The following UGT1A7 variants were observed in gnomAD, a reference collection of about 807,000 sequenced individuals.
UGT1A7 encodes UDP-glucuronosyltransferase 1A7.
A neutral mutation model predicts 45.6 loss-of-function variants in UGT1A7; 33 were observed. That is an observed-to-expected ratio of 0.72 (90% CI 0.55 to 0.97). The LOEUF (loss-of-function observed/expected upper bound fraction) is 0.97. Among genes scored for constraint, UGT1A7 ranks in the 50% least tolerant of loss-of-function variants. The pLI, the probability that UGT1A7 is intolerant of heterozygous loss-of-function variation, is 0.00. For missense variants in UGT1A7, 684 were observed against 666.2 expected, an observed-to-expected ratio of 1.03 and a Z score of -0.29; for synonymous variants, 274 against 250.6, an observed-to-expected ratio of 1.09 and a Z score of -0.88.
chr2:233,685,437 A>G (rs4553819), intron 1 of UGT1A7, among the ~76,000 whole-genome samples: 59,161 of 151,978 alleles, frequency 0.39, 11,698 homozygotes, highest in South Asian at 0.45. Context: ...AAAGAATTCG[A>G]GCTGAATCTA....
chr2:233,693,292 C>T, intron 1 of UGT1A7: 1 of 1,614,114 alleles, frequency 6.2e-7, no homozygotes, highest in Non-Finnish European at 8.5e-7. Flanking sequence ...CATTTGGAAA[C>T]AATCACTTTG....
chr2:233,748,135 T>C (rs1220195478), intron 1 of UGT1A7: 2 of 1,609,160 alleles, frequency 1.2e-6, no homozygotes, highest in South Asian at 1.1e-5. Flanking sequence ...TTTTTAAAAA[T>C]TGTATTTACT....
intron 1 of UGT1A7, among the ~76,000 whole-genome samples, chr2:233,715,121 A>G (rs2076433568): frequency 6.6e-6 from 1 of 152,186 alleles, no homozygotes; most frequent in Non-Finnish European, 1.5e-5. Context: ...CCTGATCTCA[A>G]GTGATTCACT....
At chr2:233,724,521 G>A (rs2077274560) in intron 1 of UGT1A7, among the ~76,000 whole-genome samples, 2 of 124,734 alleles carry the variant, frequency 1.6e-5, no homozygotes, top group Middle Eastern at 4.5e-3. Context: ...CCTCCCAGAT[G>A]GGGTCTCGCC....
chr2:233,693,856 C>T (rs1229039578), intron 1 of UGT1A7: 2 of 1,614,076 alleles, frequency 1.2e-6, no homozygotes, highest in Admixed American at 3.3e-5. Context: ...AGAGGAAAGA[C>T]TTGTCTCAGG....
At position 233,768,551 on chromosome 2, in the gene UGT1A7, A is replaced by G. The variant is rs1699641302; in HGVS notation, c.1295+112A>G. The G allele has an allele frequency of 4.1e-6, 6 of 1,478,370 alleles. No individual in the cohort carries two copies. The East Asian group carries it at 1.5e-4, about 37-fold the overall frequency. 91.6% of individuals were successfully genotyped at this position (1,478,370 alleles called of 1,614,324 possible). A position where few individuals can be genotyped will look rare whatever the true frequency, so the allele number is the denominator to read the frequency against. The stretch of plus-strand genomic sequence containing the variant: ...ATAGCGTTGTTTCAAATATAAAAAC[A>G]AATACATAAAAATCTGGATTTTTAT... On this transcript the variant is annotated intron_variant, in intron 4 of 4. Transcript: ENST00000373426.
chr2:233,747,428 G>T (rs1427040404), intron 1 of UGT1A7: 12 of 1,608,630 alleles, frequency 7.5e-6, no homozygotes, highest in South Asian at 6.6e-5. Context: ...TCAAACAAGA[G>T]AAATTTTTCA....
At chr2:233,759,710 G>A (rs746376626) in intron 1 of UGT1A7, among the ~76,000 whole-genome samples, 35 of 151,652 alleles carry the variant, frequency 2.3e-4, no homozygotes, top group East Asian at 9.7e-4. Flanking sequence ...GCGCGTGCTC[G>A]TGTGGTGGGC....
At chr2:233,746,687 C>T (rs192486679) in intron 1 of UGT1A7, among the ~76,000 whole-genome samples, 86 of 151,912 alleles carry the variant, frequency 5.7e-4, no homozygotes, top group Non-Finnish European at 1.1e-3. Context: ...AGGGCTCACA[C>T]ATTCCATAAA....
intron 1 of UGT1A7, chr2:233,718,019 C>T: frequency 2.6e-6 from 1 of 391,762 alleles, no homozygotes; most frequent in Non-Finnish European, 5.1e-6. Flanking sequence ...GGCTCCAGCT[C>T]CCCAGGTCCT....
At chr2:233,747,820 A>T in intron 1 of UGT1A7, 1 of 1,613,402 alleles carries the variant, frequency 6.2e-7, no homozygotes, top group East Asian at 2.2e-5. Context: ...ACCAATTCAG[A>T]CCACATGACA....
chr2:233,750,078 A>G (rs1420625358), intron 1 of UGT1A7, among the ~76,000 whole-genome samples: 1 of 151,926 alleles, frequency 6.6e-6, no homozygotes, highest in African/African-American at 2.4e-5. Flanking sequence ...TAACAGGCAG[A>G]GGTTGGAACA....
chr2:233,772,868 T>C lies in UGT1A7; in HGVS notation c.*309T>C, dbSNP rs982401399. ...TTCTTACTCTGAAACATGGCCTGTT[T>C]GGGAGTGCGGGATTCAAAGGTGGTC... is the stretch of plus-strand genomic sequence containing the variant. On this transcript the variant is annotated 3_prime_UTR_variant, in exon 5 of 5. Coordinates refer to ENST00000373426, the MANE Select transcript of UGT1A7 (RefSeq NM_019077.3). 2 of 641,930 alleles carry C rather than the reference T, an allele frequency of 3.1e-6. No individual in the cohort carries two copies. The highest frequency in any genetic ancestry group is 3.7e-5 in the African/African-American group (2 of 53,644). 39.8% of individuals were successfully genotyped at this position (641,930 alleles called of 1,614,324 possible).
chr2:233,759,702 G>A (rs780884491), intron 1 of UGT1A7, among the ~76,000 whole-genome samples: 4 of 150,764 alleles, frequency 2.7e-5, no homozygotes, highest in Admixed American at 2.0e-4. Context: ...ACCTCATGGC[G>A]CGTGCTCGTG....
chr2:233,760,574 G>A lies in UGT1A7; in HGVS notation c.856-6460G>A, dbSNP rs1287104845. On this transcript the variant is annotated intron_variant, in intron 1 of 4. Coordinates refer to ENST00000373426, the MANE Select transcript of UGT1A7 (RefSeq NM_019077.3). ...GTGAAAGAGTCTTTTGTTAGTCTCG[G>A]GCATAATGTTTTTGAGAATGATTCT... The A allele has an allele frequency of 6.2e-7, 1 of 1,614,190 alleles. No individual in the cohort carries two copies. The highest frequency in any genetic ancestry group is 1.3e-5 in the African/African-American group (1 of 75,038).
chr2:233,742,188 G>A (rs1460351470), intron 1 of UGT1A7, among the ~76,000 whole-genome samples: 8 of 151,916 alleles, frequency 5.3e-5, no homozygotes, highest in Non-Finnish European at 8.8e-5. Context: ...AGTGTGGAGT[G>A]GGAAATCAGG....
chr2:233,762,916 A>T (rs1698195607), intron 1 of UGT1A7, among the ~76,000 whole-genome samples: 1 of 152,252 alleles, frequency 6.6e-6, no homozygotes, highest in African/African-American at 2.4e-5. Context: ...TATTGAATTT[A>T]TTAGAATCTC....
chr2:233,749,281 T>G (rs1294493695), intron 1 of UGT1A7, among the ~76,000 whole-genome samples: 1 of 151,972 alleles, frequency 6.6e-6, no homozygotes, highest in African/African-American at 2.4e-5. Context: ...CCTTATGCAG[T>G]GTAGTTATTC....
rs367562116 is a variant in UGT1A7, at chr2:233,765,371, G to A, written c.856-1663G>A. On this transcript the variant is annotated intron_variant, in intron 1 of 4. Coordinates refer to ENST00000373426, the MANE Select transcript of UGT1A7 (RefSeq NM_019077.3). Reference sequence around the variant, plus strand: ...GGAACCAACCCAGATGCCCATCAATGGTAGATTGGATAAAGAAAATGTGGT... The same window carrying A: ...GGAACCAACCCAGATGCCCATCAATAGTAGATTGGATAAAGAAAATGTGGT... Among the ~76,000 whole-genome samples, 7 of 152,230 alleles carry A rather than the reference G, an allele frequency of 4.6e-5. No homozygotes were observed. In the South Asian group the frequency reaches 1.0e-3, roughly 23 times the overall value.
Sources: gnomAD v4.1 joint callset for allele counts (sites outside exome capture counted in the v4.1 genomes callset) on GRCh38, gnomAD v4.1.1 for gene constraint, MANE v1.5 for transcripts, NCBI Gene and HGNC (gene_info 2026-07-23, HGNC 2026-07-21) for gene names.